The following DLGAP2 variants were observed in gnomAD, a reference collection of about 807,000 sequenced individuals.
DLGAP2 encodes disks large-associated protein 2.
A neutral mutation model predicts 100.3 loss-of-function variants in DLGAP2; 26 were observed. The ratio of observed to expected loss-of-function variants is 0.26; its 90% confidence interval spans 0.19 to 0.36. The LOEUF (loss-of-function observed/expected upper bound fraction) is 0.36, where lower values mean the gene tolerates loss of function less well. Among genes scored for constraint, DLGAP2 ranks in the 10% least tolerant of loss-of-function variants. The pLI is 1.00. For missense variants in DLGAP2, 1,858 were observed against 1,453.2 expected (o/e 1.28, Z -4.53); for synonymous variants, 886 against 630.1 (o/e 1.41, Z -6.08).
At chr8:1,013,676 A>AT (rs1801370614) in intron 2 of DLGAP2, among the ~76,000 whole-genome samples, 2 of 76,814 alleles carry the variant, frequency 2.6e-5, no homozygotes, top group African/African-American at 8.6e-5. Context: ...CCACTGTGTG[A>AT]GACCAGGACA....
intron 2 of DLGAP2, among the ~76,000 whole-genome samples, chr8:974,187 T>G (rs1800104136): frequency 1.3e-5 from 2 of 152,128 alleles, no homozygotes; most frequent in African/African-American, 4.8e-5. Context: ...CAGCAAGATA[T>G]ATATTAAAAA....
intron 3 of DLGAP2, among the ~76,000 whole-genome samples, chr8:1,386,172 A>C (rs911088442): frequency 1.3e-5 from 2 of 152,266 alleles, no homozygotes; most frequent in East Asian, 3.8e-4. Context: ...CAAAAACTCC[A>C]ACATATGATG....
At chr8:1,529,790 A>T (rs2130450163) in intron 4 of DLGAP2, among the ~76,000 whole-genome samples, 1 of 152,334 alleles carries the variant, frequency 6.6e-6, no homozygotes, top group South Asian at 2.1e-4. Context: ...TTGAGAAATA[A>T]AGGGACAGAC....
intron 3 of DLGAP2, among the ~76,000 whole-genome samples, chr8:1,460,085 G>A (rs145490282): frequency 6.0e-4 from 91 of 152,348 alleles, no homozygotes; most frequent in African/African-American, 2.0e-3. Flanking sequence ...CACGTGCAGC[G>A]TGAGCAGGAA....
At position 1,548,902 on chromosome 8, in the gene DLGAP2, T is replaced by C. The variant is rs776759412; in HGVS notation, c.449T>C (p.Val150Ala). ...CACTCGGAGTGCGTGATGATGCCGGTGGTGCTGGGCGACCACGTGTCCAGC... is the reference window on the plus strand; with the variant it reads ...CACTCGGAGTGCGTGATGATGCCGGCGGTGCTGGGCGACCACGTGTCCAGC... ...SVHSECVMMPVVLGDHVSSST... is the reference protein window; with the variant it reads ...SVHSECVMMPAVLGDHVSSST... The change falls in exon 5 of 15, where the codon GTG (valine) becomes GCG (alanine). Residue 150 changes from valine (V) to alanine (A), a missense_variant. Coordinates refer to ENST00000637795, the MANE Select transcript of DLGAP2 (RefSeq NM_001346810.2). The C allele has an allele frequency of 6.3e-7, 1 of 1,597,728 alleles. No individual in the cohort carries two copies. Among genetic ancestry groups the C allele is most frequent in the South Asian group, 1.1e-5 (1 of 90,826 alleles).
At chr8:1,635,160 T>C (rs975856209) in intron 8 of DLGAP2, among the ~76,000 whole-genome samples, 6 of 152,248 alleles carry the variant, frequency 3.9e-5, no homozygotes, top group Admixed American at 1.3e-4. Flanking sequence ...CTAAGTATTG[T>C]ATATTAGTTA....
At chr8:1,512,487 G>A (rs546059035) in intron 4 of DLGAP2, among the ~76,000 whole-genome samples, 96 of 152,238 alleles carry the variant, frequency 6.3e-4, no homozygotes, top group Admixed American at 2.0e-3. Flanking sequence ...CTGCTCTGGA[G>A]TCTAGCATGG....
chr8:1,290,357 A>C (rs1330931603), intron 3 of DLGAP2, among the ~76,000 whole-genome samples: 1 of 152,242 alleles, frequency 6.6e-6, no homozygotes, highest in Admixed American at 6.5e-5. Flanking sequence ...CCGCTTTACA[A>C]ATGGTGCCTA....
intron 1 of DLGAP2, among the ~76,000 whole-genome samples, chr8:826,755 G>C (rs948513470): frequency 1.3e-5 from 2 of 152,102 alleles, no homozygotes; most frequent in African/African-American, 2.4e-5. Context: ...TCAGTGCTGT[G>C]TTTCTTTGGT....
At chr8:1,421,474 A>G (rs889155448) in intron 3 of DLGAP2, among the ~76,000 whole-genome samples, 1 of 152,352 alleles carries the variant, frequency 6.6e-6, no homozygotes, top group Admixed American at 6.5e-5. Context: ...GAAAATGCAT[A>G]GAATCACTTT....
intron 3 of DLGAP2, among the ~76,000 whole-genome samples, chr8:1,352,474 C>G (rs1459925229): frequency 6.6e-6 from 1 of 152,186 alleles, no homozygotes; most frequent in African/African-American, 2.4e-5. Context: ...GCTCTTATCA[C>G]TTCCTAAAAA....
intron 3 of DLGAP2, among the ~76,000 whole-genome samples, chr8:1,423,922 C>G (rs1797170940): frequency 6.6e-6 from 1 of 152,144 alleles, no homozygotes; most frequent in African/African-American, 2.4e-5. Flanking sequence ...CAGAAGAACC[C>G]AAATGAGGAA....
chr8:1,659,599 C>A (rs1585040150), intron 8 of DLGAP2, among the ~76,000 whole-genome samples: 1 of 152,198 alleles, frequency 6.6e-6, no homozygotes, highest in East Asian at 1.9e-4. Context: ...TTAGGCAATG[C>A]CCTTCTTTGT....
At chr8:1,349,451 C>A (rs986075342) in intron 3 of DLGAP2, among the ~76,000 whole-genome samples, 1 of 109,736 alleles carries the variant, frequency 9.1e-6, no homozygotes, top group African/African-American at 3.1e-5. Flanking sequence ...TATCGTCAGC[C>A]TCCTGCCCAC....
At chr8:1,355,942 C>G (rs1459953669) in intron 3 of DLGAP2, among the ~76,000 whole-genome samples, 1 of 152,248 alleles carries the variant, frequency 6.6e-6, no homozygotes, top group Non-Finnish European at 1.5e-5. Context: ...AATTCAAGTA[C>G]ATGCGTGTTG....
At chr8:1,048,158 C>T (rs936601426) in intron 2 of DLGAP2, among the ~76,000 whole-genome samples, 6 of 152,064 alleles carry the variant, frequency 3.9e-5, no homozygotes, top group Admixed American at 1.3e-4. Context: ...AGAATACAAA[C>T]GAACTGGATA....
intron 6 of DLGAP2, among the ~76,000 whole-genome samples, chr8:1,568,985 T>C (rs1286241620): frequency 1.4e-5 from 2 of 138,418 alleles, no homozygotes; most frequent in African/African-American, 2.8e-5. Flanking sequence ...CAAATCCATC[T>C]CTGCCTGTGG....
intron 2 of DLGAP2, among the ~76,000 whole-genome samples, chr8:1,214,730 G>C (rs1448590811): frequency 6.6e-6 from 1 of 152,226 alleles, no homozygotes; most frequent in Non-Finnish European, 1.5e-5. Context: ...GACACAGCAG[G>C]TGTGCCTTAA....
chr8:1,426,134 G>A (rs1584887821), intron 3 of DLGAP2, among the ~76,000 whole-genome samples: 1 of 152,252 alleles, frequency 6.6e-6, no homozygotes, highest in Non-Finnish European at 1.5e-5. Flanking sequence ...CTCAGCTGCT[G>A]GAGAAACTCA....
Sources: allele counts gnomAD v4.1 joint callset (sites outside exome capture counted in the v4.1 genomes callset), GRCh38; gene constraint gnomAD v4.1.1; transcripts MANE v1.5; gene names NCBI Gene and HGNC (gene_info 2026-07-23, HGNC 2026-07-21).